GC: variants seen among roughly 807,000 people sequenced by gnomAD.
GC encodes the protein vitamin D-binding protein.
GC carries 43 observed loss-of-function variants against 56.7 expected under a neutral mutation model. The ratio of observed to expected loss-of-function variants is 0.76; its 90% CI spans 0.59 to 0.98. The LOEUF is 0.98. GC is among the 50% of genes least tolerant of loss of function. The pLI, the probability that GC is intolerant of heterozygous loss-of-function variation, is 0.00. For synonymous variants in GC, 216 were observed against 202.7 expected (o/e 1.07, Z -0.56); for missense variants, 529 against 545.9 (o/e 0.97, Z 0.31).
chr4:71,800,775 G>A (rs1045212992), intron 1 of GC, among the ~76,000 whole-genome samples: 2 of 152,118 alleles, frequency 1.3e-5, no homozygotes, highest in South Asian at 2.1e-4. Flanking sequence ...ATTGCCATCC[G>A]ACTGGCATGT....
At chr4:71,773,107 C>A (rs16847015) in intron 1 of GC, among the ~76,000 whole-genome samples, 13,310 of 151,994 alleles carry the variant, frequency 0.088, 835 homozygotes, top group East Asian at 0.24. Flanking sequence ...TAAAATTATA[C>A]GCTCTGTTTT....
At chr4:71,763,106 G>C (rs1175372129) in intron 6 of GC, among the ~76,000 whole-genome samples, 2 of 151,956 alleles carry the variant, frequency 1.3e-5, no homozygotes, top group African/African-American at 4.8e-5. Context: ...TTCTTGTTTT[G>C]CTTTTTTGTT....
intron 3 of GC, among the ~76,000 whole-genome samples, chr4:71,766,628 C>T (rs1332762820): frequency 6.6e-6 from 1 of 152,122 alleles, no homozygotes; most frequent in Non-Finnish European, 1.5e-5. Context: ...AAAATCTTTT[C>T]TACCAGTGAA....
At chr4:71,784,715 A>G (rs1157049948), upstream of GC, among the ~76,000 whole-genome samples, 1 of 151,774 alleles carries the variant, frequency 6.6e-6, no homozygotes, top group African/African-American at 2.4e-5. Flanking sequence ...TGAGGCAAAT[A>G]ACTGGAGAGG....
At chr4:71,770,458 T>C (rs1237687506) in intron 1 of GC, among the ~76,000 whole-genome samples, 1 of 152,052 alleles carries the variant, frequency 6.6e-6, no homozygotes, top group Non-Finnish European at 1.5e-5. Flanking sequence ...TCTCCAGGAA[T>C]AACAAGGGAG....
intron 6 of GC, among the ~76,000 whole-genome samples, chr4:71,758,999 T>A (rs758070089): frequency 1.3e-5 from 2 of 152,252 alleles, no homozygotes; most frequent in South Asian, 2.1e-4. Context: ...TGATTTTGAT[T>A]ACTTTAAATA....
In GC at chr4:71,763,417, G is replaced by A. The variant is rs779460266; in HGVS notation, c.692C>T (p.Ser231Leu). 1 of 1,568,370 alleles carries A rather than the reference G, an allele frequency of 6.4e-7. No homozygotes were observed. The highest frequency in any genetic ancestry group is 8.8e-7 in the Non-Finnish European group (1 of 1,139,084). Residue 231 changes from serine to leucine, a missense_variant, in exon 6 of 13, where the codon TCA (serine) becomes TTA (leucine). Ser to Leu is a moderately radical substitution (Grantham distance 145). Coordinates refer to ENST00000273951, the MANE Select transcript of GC (RefSeq NM_000583.4). ...AGCACTTAATCTTTACCTGAGCCTT[G>A]ATTTCTTCTCCCCATAAGCAGCATA... ...SQYAAYGEKKSRLSNLIKLAQ... is the reference protein window; with the variant it reads ...SQYAAYGEKKLRLSNLIKLAQ...
chr4:71,776,506 G>A (rs1160313139), intron 1 of GC, among the ~76,000 whole-genome samples: 1 of 151,870 alleles, frequency 6.6e-6, no homozygotes, highest in East Asian at 1.9e-4. Flanking sequence ...GGGAGAAGAG[G>A]AGGGAGGGAA....
intron 1 of GC, among the ~76,000 whole-genome samples, chr4:71,798,656 G>A (rs1743171507): frequency 6.6e-6 from 1 of 152,132 alleles, no homozygotes; most frequent in Non-Finnish European, 1.5e-5. Flanking sequence ...TTGGATTTTA[G>A]ACTTTATAAG....
upstream of GC, among the ~76,000 whole-genome samples, chr4:71,787,785 G>C (rs112550945): frequency 2.6e-5 from 4 of 151,864 alleles, no homozygotes; most frequent in East Asian, 5.8e-4. Flanking sequence ...TTTGGCTGAG[G>C]GGGGAAGAGT....
chr4:71,769,428 A>G (rs1343171297), intron 1 of GC, 28 bp from the exon 2 acceptor site: 8 of 1,448,682 alleles, frequency 5.5e-6, no homozygotes, highest in African/African-American at 2.8e-5. Context: ...AAAAATTTGT[A>G]TGTGTCCCCT....
At chr4:71,787,320 T>C (rs221996), upstream of GC, among the ~76,000 whole-genome samples, 151,946 of 152,004 alleles carry the variant, frequency 1, 75,944 homozygotes, top group Middle Eastern at 1. Context: ...TTAGGTACGG[T>C]TGAACTACTT....
chr4:71,779,122 C>T (rs1742596723), intron 1 of GC, among the ~76,000 whole-genome samples: 1 of 151,504 alleles, frequency 6.6e-6, no homozygotes, highest in Non-Finnish European at 1.5e-5. Context: ...TACAAAAACC[C>T]AATTTTGTAA....
chr4:71,779,741 A>G (rs998166633), intron 1 of GC, among the ~76,000 whole-genome samples: 1 of 151,840 alleles, frequency 6.6e-6, no homozygotes, highest in Non-Finnish European at 1.5e-5. Context: ...TGGTGACTGC[A>G]TATGTGGCAT....
chr4:71,757,984 C>T, intron 7 of GC, 58 bp downstream of exon 7: 2 of 1,464,892 alleles, frequency 1.4e-6, no homozygotes, highest in Non-Finnish European at 1.9e-6. Flanking sequence ...ACCTGCCACT[C>T]AGTACTTGGC....
rs1197486148 is a variant in GC at position 71,756,771 on chromosome 4, A to G, written c.975T>C (p.Asp325=). The change falls in exon 8 of 13, where the codon GAT becomes GAC. Residue 325 remains aspartate, a synonymous_variant. Transcript: ENST00000273951. ...MPAAQLPELP[D]VELPTNKDVC... The stretch of plus-strand genomic sequence containing the variant: ...CATCTTTGTTTGTGGGCAACTCTAC[A>G]TCTGGAAGCTCGGGGAGTTGGGCAG... 3 of 1,613,906 alleles carry G rather than the reference A, an allele frequency of 1.9e-6. No homozygotes were observed. Among genetic ancestry groups the G allele is most frequent in the Non-Finnish European group, 2.5e-6 (3 of 1,179,854 alleles).
At chr4:71,762,258 C>T (rs1180298463) in intron 6 of GC, among the ~76,000 whole-genome samples, 1 of 152,198 alleles carries the variant, frequency 6.6e-6, no homozygotes, top group South Asian at 2.1e-4. Flanking sequence ...GATTTGACTG[C>T]CCCACTGGAT....
At chr4:71,785,946 T>C (rs1742822519), upstream of GC, 1 of 151,830 alleles carries the variant, frequency 6.6e-6, no homozygotes, top group African/African-American at 2.4e-5. Context: ...TTCAACTGTA[T>C]TTCGTCATCT....
chr4:71,802,460 A>G (rs1743274993), intron 1 of GC, among the ~76,000 whole-genome samples: 1 of 152,206 alleles, frequency 6.6e-6, no homozygotes, highest in African/African-American at 2.4e-5. Flanking sequence ...CACTTGCAAT[A>G]TTAATAGGGA....
Sources: gnomAD v4.1 joint callset for allele counts (sites outside exome capture counted in the v4.1 genomes callset) on GRCh38, gnomAD v4.1.1 for gene constraint, MANE v1.5 for transcripts, NCBI Gene and HGNC (gene_info 2026-07-23, HGNC 2026-07-21) for gene names.